PPP1R3F: variants seen among roughly 807,000 people sequenced by gnomAD.
PPP1R3F encodes protein phosphatase 1, regulatory (inhibitor) subunit 3F.
Under a neutral mutation model 24.2 loss-of-function variants are expected in PPP1R3F, and 29 were observed. That is an observed-to-expected ratio of 1.20 (90% CI 0.89 to 1.63). The LOEUF is 1.63. PPP1R3F is among the 40% of genes most tolerant of loss of function. PPP1R3F has a pLI of 0.00. For synonymous variants in PPP1R3F, 363 were observed against 340.1 expected (o/e 1.07, Z -0.74); for missense variants, 823 against 729.3 (o/e 1.13, Z -1.48).
intron 3 of PPP1R3F, among the ~76,000 whole-genome samples, chrX:49,293,402 T>G (rs2066314424): frequency 8.9e-6 from 1 of 112,611 alleles, no homozygotes; most frequent in African/African-American, 3.2e-5. Flanking sequence ...TTCCCATATA[T>G]GTAAACTTGG....
intron 3 of PPP1R3F, among the ~76,000 whole-genome samples, chrX:49,285,566 C>T (rs1007743591): frequency 1.7e-4 from 19 of 111,784 alleles, no homozygotes; most frequent in African/African-American, 6.2e-4. Context: ...GATGATCATT[C>T]ACCAAATATT....
intron 3 of PPP1R3F, among the ~76,000 whole-genome samples, chrX:49,294,765 C>T (rs2066318273): frequency 9.2e-6 from 1 of 108,790 alleles, no homozygotes. Flanking sequence ...AAAAAATTAG[C>T]CAGGCGTGGT....
In PPP1R3F at chrX:49,286,456, G is replaced by T. The variant is rs782038831; in HGVS notation, c.1766G>T (p.Ser589Ile). The change falls in exon 4 of 4, where the codon AGC (serine) becomes ATC (isoleucine). Residue 589 changes from serine to isoleucine, a missense_variant. Physicochemically the swap from Ser to Ile is moderately radical, Grantham distance 142. Coordinates refer to ENST00000055335, the MANE Select transcript of PPP1R3F (RefSeq NM_033215.5). ...GAGGGGCTCTCTGTCACACCCTCCA[G>T]CCCAGAAGGGGACAGCCCCAAGGAA... ...GEEGLSVTPS[S>I]PEGDSPKESP... The T allele has an allele frequency of 8.3e-7, 1 of 1,199,767 alleles. No individual in the cohort carries two copies. Among genetic ancestry groups the T allele is most frequent in the Non-Finnish European group, 1.1e-6 (1 of 887,882 alleles).
intron 1 of PPP1R3F, 95 bp downstream of exon 1, chrX:49,270,968 A>T (rs1183601514): frequency 3.4e-6 from 3 of 883,589 alleles, no homozygotes; most frequent in Non-Finnish European, 4.6e-6. Flanking sequence ...CCTGCTCTCC[A>T]GGACAGGGAG....
At chrX:49,294,144 C>A (rs1557122598) in intron 3 of PPP1R3F, among the ~76,000 whole-genome samples, 1 of 109,282 alleles carries the variant, frequency 9.2e-6, no homozygotes, top group African/African-American at 3.3e-5. Context: ...TGTGTAGATT[C>A]ATGTAACCAC....
downstream of PPP1R3F, among the ~76,000 whole-genome samples, chrX:49,292,760 C>T (rs1230601713): frequency 8.9e-6 from 1 of 112,392 alleles, no homozygotes; most frequent in East Asian, 2.8e-4. Flanking sequence ...TAGCACAGGC[C>T]CACTGACACT....
chrX:49,295,195 G>A (rs1557122708), intron 3 of PPP1R3F, among the ~76,000 whole-genome samples: 1 of 111,016 alleles, frequency 9.0e-6, no homozygotes, highest in Non-Finnish European at 1.9e-5. Context: ...CACCAAGGCC[G>A]GAGTGTGGTT....
chrX:49,271,055 A>T (rs1039518194), intron 1 of PPP1R3F, among the ~76,000 whole-genome samples, 182 bp downstream of exon 1: 44 of 112,341 alleles, frequency 3.9e-4, no homozygotes, highest in African/African-American at 1.4e-3. Context: ...CTGGGGTTTT[A>T]TTCCTCCATT....
In PPP1R3F at chrX:49,287,122, A is replaced by T. The variant is rs1557121837; in HGVS notation, c.*32A>T. 1.7e-6 allele frequency: 2 copies of T among 1,182,777 alleles called. No homozygotes were observed. The highest frequency in any genetic ancestry group is 2.3e-6 in the Non-Finnish European group (2 of 876,095). On this transcript the variant is annotated 3_prime_UTR_variant, in exon 4 of 4. Transcript: ENST00000055335. ...CTTGTGGGATCAGCAGAGGCTTAAG[A>T]TGGGATACATGGCCTGTGCAGTGAG...
At chrX:49,275,218 T>A (rs1557119889) in intron 1 of PPP1R3F, 1 of 111,015 alleles carries the variant, frequency 9.0e-6, no homozygotes, top group African/African-American at 3.3e-5. Flanking sequence ...CTGCAGGTGG[T>A]TTTTTAGTTT....
intron 3 of PPP1R3F, among the ~76,000 whole-genome samples, chrX:49,295,765 C>G (rs1420267875): frequency 9.1e-6 from 1 of 109,789 alleles, no homozygotes; most frequent in Non-Finnish European, 1.9e-5. Flanking sequence ...ACTTTATCTT[C>G]TTCTTTTTAA....
At chrX:49,284,768 C>T (rs1206030030) in intron 3 of PPP1R3F, among the ~76,000 whole-genome samples, 1 of 111,330 alleles carries the variant, frequency 9.0e-6, no homozygotes, top group East Asian at 2.8e-4. Context: ...CTGCCTTGGC[C>T]TCCCAAAGTG....
At chrX:49,292,442 A>ATTGGCCAGG (rs1266372377), downstream of PPP1R3F, among the ~76,000 whole-genome samples, 2 of 112,884 alleles carry the variant, frequency 1.8e-5, no homozygotes, top group African/African-American at 3.2e-5. Flanking sequence ...CAGGCTATAG[A>ATTGGCCAGG]TTGGCCAGGT....
chrX:49,297,183 A>ATTTT (rs1313270446), intron 3 of PPP1R3F, among the ~76,000 whole-genome samples: 41 of 80,585 alleles, frequency 5.1e-4, no homozygotes, highest in East Asian at 1.5e-3. Flanking sequence ...AACTTGCTTT[A>ATTTT]TTTTTATTTA....
intron 1 of PPP1R3F, chrX:49,275,391 G>A (rs1433426372): frequency 9.0e-6 from 1 of 110,681 alleles, no homozygotes; most frequent in African/African-American, 3.3e-5. Context: ...TTGACTGATG[G>A]CCCAAATAAT....
At chrX:49,275,346 C>G (rs2066205933) in intron 1 of PPP1R3F, 1 of 111,610 alleles carries the variant, frequency 9.0e-6, no homozygotes, top group Non-Finnish European at 1.9e-5. Flanking sequence ...CTGGCTCTTC[C>G]CTTAGCTTCA....
intron 1 of PPP1R3F, among the ~76,000 whole-genome samples, chrX:49,279,754 G>A (rs1557120426): frequency 1.8e-5 from 2 of 112,759 alleles, no homozygotes; most frequent in African/African-American, 6.4e-5. Flanking sequence ...AGAAAAAGGT[G>A]TGGGCATTCG....
intron 1 of PPP1R3F, among the ~76,000 whole-genome samples, chrX:49,277,841 A>G (rs2066223696): frequency 1.8e-5 from 2 of 112,460 alleles, no homozygotes; most frequent in South Asian, 7.3e-4. Context: ...GTAAAAAGGA[A>G]GGGTGTTGTT....
At chrX:49,290,291 TGG>T (rs2066304939), downstream of PPP1R3F, among the ~76,000 whole-genome samples, 2 of 110,479 alleles carry the variant, frequency 1.8e-5, no homozygotes, top group Admixed American at 9.6e-5. Flanking sequence ...CTTCTGTTTG[TGG>T]AGATCGACTA....
Sources: allele counts gnomAD v4.1 joint callset (sites outside exome capture counted in the v4.1 genomes callset), GRCh38; gene constraint gnomAD v4.1.1; transcripts MANE v1.5; gene names NCBI Gene and HGNC (gene_info 2026-07-23, HGNC 2026-07-21).